PPP2R5E: variants seen among roughly 807,000 people sequenced by gnomAD.
PPP2R5E encodes the protein serine/threonine-protein phosphatase 2A 56 kDa regulatory subunit epsilon isoform.
In PPP2R5E, 4 loss-of-function variants were observed where a neutral mutation model predicts 65.3. That is an observed-to-expected ratio of 0.06 (90% CI 0.03 to 0.14). PPP2R5E has a LOEUF of 0.14. Among genes scored for constraint, PPP2R5E ranks in the 10% least tolerant of loss-of-function variants. PPP2R5E has a pLI of 1.00. For missense variants in PPP2R5E, 274 were observed against 556.1 expected (o/e 0.49, Z 5.10); for synonymous variants, 183 against 187.4 (o/e 0.98, Z 0.19).
chr14:63,469,086 T>C (rs1314525160), intron 2 of PPP2R5E, among the ~76,000 whole-genome samples: 2 of 152,338 alleles, frequency 1.3e-5, no homozygotes, highest in East Asian at 3.9e-4. Context: ...CATTCATTCA[T>C]TCATTCCACA....
intron 2 of PPP2R5E, among the ~76,000 whole-genome samples, chr14:63,488,931 G>A (rs1249793256): frequency 2.6e-5 from 4 of 151,746 alleles, no homozygotes; most frequent in Non-Finnish European, 5.9e-5. Flanking sequence ...AAGCTATCAT[G>A]GAACTGTGTT....
intron 2 of PPP2R5E, among the ~76,000 whole-genome samples, chr14:63,467,482 A>G (rs1889895496): frequency 6.6e-6 from 1 of 152,134 alleles, no homozygotes; most frequent in African/African-American, 2.4e-5. Flanking sequence ...TTCAGATTGT[A>G]CTGAAAATGA....
chr14:63,423,376 C>T (rs12101035), intron 3 of PPP2R5E, among the ~76,000 whole-genome samples: 14,786 of 152,208 alleles, frequency 0.097, 880 homozygotes, highest in African/African-American at 0.16. Context: ...GGATTACAGG[C>T]GTGAGACACC....
At chr14:63,511,528 T>C (rs1417890665) in intron 2 of PPP2R5E, among the ~76,000 whole-genome samples, 2 of 152,226 alleles carry the variant, frequency 1.3e-5, no homozygotes, top group African/African-American at 4.8e-5. Flanking sequence ...CCTGTTGTTT[T>C]AAGCCACCAA....
chr14:63,421,052 CAAAAAAAAAAAAAAAAAAAAAAA>C lies in PPP2R5E; in HGVS notation c.456+918_456+940del, dbSNP rs56297942. 8.7e-4 allele frequency among the ~76,000 whole-genome samples: 9 copies of C among 10,294 alleles called. 2 individuals carry two copies. The highest frequency in any genetic ancestry group is 2.9e-3 in the Admixed American group (2 of 680). The allele number at this position is 10,294 out of a possible 152,430, so 6.8% of individuals were successfully genotyped here. On this transcript the variant is annotated intron_variant, in intron 4 of 13. Transcript: ENST00000337537. The stretch of plus-strand genomic sequence containing the variant: ...TGGGCGACAGAGCGAGACTCCGTCT[CAAAAAAAAAAAAAAAAAAAAAAA>C]AAAAAAAAAAAAAAGTCAACCTGAA...
At chr14:63,498,940 A>C (rs1038861834) in intron 2 of PPP2R5E, among the ~76,000 whole-genome samples, 2 of 152,144 alleles carry the variant, frequency 1.3e-5, no homozygotes, top group African/African-American at 4.8e-5. Context: ...AGTAAATATT[A>C]GGAATCGTAA....
chr14:63,473,404 G>A (rs1347246237), intron 2 of PPP2R5E, among the ~76,000 whole-genome samples: 1 of 152,166 alleles, frequency 6.6e-6, no homozygotes, highest in African/African-American at 2.4e-5. Context: ...GAACCATGGG[G>A]CAGCTAGAGA....
At position 63,425,260 on chromosome 14, in the gene PPP2R5E, T is replaced by C. The variant is rs76160250; in HGVS notation, c.355-3166A>G. On this transcript the variant is annotated intron_variant, in intron 3 of 13. Coordinates refer to ENST00000337537, the MANE Select transcript of PPP2R5E (RefSeq NM_006246.5). ...TATTTTTGTCCCTTCCAGTGATTAC[T>C]AGAAATTATTTTTATGAAGAAATAA... Among the ~76,000 whole-genome samples, 219 of 152,368 alleles carry C rather than the reference T, an allele frequency of 1.4e-3. 1 individual carries two copies. The East Asian group carries it at 0.034, about 24-fold the overall frequency.
At chr14:63,435,633 T>C (rs1263674902) in intron 3 of PPP2R5E, among the ~76,000 whole-genome samples, 2 of 152,196 alleles carry the variant, frequency 1.3e-5, no homozygotes, top group African/African-American at 4.8e-5. Flanking sequence ...TCTAACCTCC[T>C]CTGCTTAATT....
chr14:63,410,483 A>G (rs531483139), intron 5 of PPP2R5E, among the ~76,000 whole-genome samples: 2 of 152,218 alleles, frequency 1.3e-5, no homozygotes, highest in Admixed American at 6.5e-5. Context: ...AGGAGGAATG[A>G]GTGAGACGGG....
intron 2 of PPP2R5E, among the ~76,000 whole-genome samples, chr14:63,501,128 A>G (rs935695759): frequency 4.6e-5 from 7 of 152,166 alleles, no homozygotes; most frequent in Non-Finnish European, 8.8e-5. Flanking sequence ...GGCCGGGCGC[A>G]GTGGCTCATG....
intron 13 of PPP2R5E, among the ~76,000 whole-genome samples, chr14:63,376,788 T>C (rs1266882945): frequency 6.6e-6 from 1 of 152,230 alleles, no homozygotes; most frequent in African/African-American, 2.4e-5. Flanking sequence ...TATAAGACTA[T>C]ATTGTAAGTT....
At chr14:63,389,514 A>G in intron 11 of PPP2R5E, 98 bp downstream of exon 11, 2 of 1,346,306 alleles carry the variant, frequency 1.5e-6, no homozygotes, top group Non-Finnish European at 2.0e-6. Flanking sequence ...TAGCAAATAA[A>G]CAATAGGTAG....
chr14:63,379,928 G>A (rs73272529), intron 13 of PPP2R5E, among the ~76,000 whole-genome samples: 4,553 of 140,296 alleles, frequency 0.032, 175 homozygotes, highest in African/African-American at 0.096. Context: ...TCCACCTCCC[G>A]GGTTCAACTG....
At chr14:63,438,620 T>C (rs1197495737) in intron 3 of PPP2R5E, among the ~76,000 whole-genome samples, 1 of 152,190 alleles carries the variant, frequency 6.6e-6, no homozygotes, top group African/African-American at 2.4e-5. Context: ...GATATATCAG[T>C]GCTAGACAAG....
intron 3 of PPP2R5E, among the ~76,000 whole-genome samples, chr14:63,444,929 AG>A (rs1475367737): frequency 3.9e-5 from 6 of 152,240 alleles, no homozygotes; most frequent in Non-Finnish European, 7.3e-5. Context: ...CACTTTCTGA[AG>A]GAACTACTTT....
chr14:63,449,290 A>C (rs1888679325), intron 3 of PPP2R5E, among the ~76,000 whole-genome samples: 1 of 152,260 alleles, frequency 6.6e-6, no homozygotes, highest in Non-Finnish European at 1.5e-5. Flanking sequence ...GGAATAAAAC[A>C]CATCTCAGTG....
intron 2 of PPP2R5E, among the ~76,000 whole-genome samples, chr14:63,478,106 T>C (rs1890496515): frequency 6.6e-6 from 1 of 152,138 alleles, no homozygotes; most frequent in African/African-American, 2.4e-5. Context: ...GAAGGGCAAA[T>C]TGAATAAAGG....
intron 3 of PPP2R5E, among the ~76,000 whole-genome samples, chr14:63,437,296 C>A (rs1443724591): frequency 3.3e-5 from 5 of 152,182 alleles, no homozygotes; most frequent in African/African-American, 1.2e-4. Flanking sequence ...AAATGGATGA[C>A]TATTTTTATG....
Sources: gnomAD v4.1 joint callset for allele counts (sites outside exome capture counted in the v4.1 genomes callset) on GRCh38, gnomAD v4.1.1 for gene constraint, MANE v1.5 for transcripts, NCBI Gene and HGNC (gene_info 2026-07-23, HGNC 2026-07-21) for gene names.